ZCWPW2: variants seen among roughly 807,000 people sequenced by gnomAD.
ZCWPW2 encodes the protein zinc finger CW-type PWWP domain protein 2.
ZCWPW2 carries 45 observed loss-of-function variants against 46.6 expected under a neutral mutation model. That is an observed-to-expected ratio of 0.96 (90% CI 0.76 to 1.24). The LOEUF (loss-of-function observed/expected upper bound fraction) is 1.24. ZCWPW2 is among the 50% of genes most tolerant of loss of function. The pLI, the probability that ZCWPW2 is intolerant of heterozygous loss-of-function variation, is 0.00. For missense variants in ZCWPW2, 429 were observed against 403.9 expected, an observed-to-expected ratio of 1.06 and a Z score of -0.53; for synonymous variants, 152 against 137.1, an observed-to-expected ratio of 1.11 and a Z score of -0.76.
intron 4 of ZCWPW2, among the ~76,000 whole-genome samples, chr3:28,475,241 C>A (rs1222017090): frequency 6.6e-6 from 1 of 152,130 alleles, no homozygotes; most frequent in African/African-American, 2.4e-5. Flanking sequence ...TTTGAAAGTC[C>A]TAGAGTAATC....
At chr3:28,408,559 A>T (rs543601740) in intron 2 of ZCWPW2, among the ~76,000 whole-genome samples, 83 of 152,308 alleles carry the variant, frequency 5.4e-4, no homozygotes, top group Non-Finnish European at 1.1e-3. Flanking sequence ...ACATTGCATA[A>T]TAGTAATTGT....
At chr3:28,368,069 A>T (rs1413407061) in intron 1 of ZCWPW2, among the ~76,000 whole-genome samples, 1 of 152,120 alleles carries the variant, frequency 6.6e-6, no homozygotes, top group Admixed American at 6.5e-5. Context: ...TCCTGAATGC[A>T]GCATACTGAT....
intron 4 of ZCWPW2, among the ~76,000 whole-genome samples, chr3:28,473,675 A>C (rs1460210455): frequency 6.6e-6 from 1 of 152,238 alleles, no homozygotes; most frequent in Non-Finnish European, 1.5e-5. Flanking sequence ...TGTGGAACAC[A>C]CCGTGGAATA....
chr3:28,491,646 C>T (rs79691590), intron 5 of ZCWPW2, among the ~76,000 whole-genome samples: 2,045 of 152,020 alleles, frequency 0.013, 54 homozygotes, highest in African/African-American at 0.046. Context: ...AGGCAGGGTA[C>T]ATTATTTATC....
chr3:28,392,562 G>T (rs1695536228), intron 2 of ZCWPW2, among the ~76,000 whole-genome samples: 1 of 152,118 alleles, frequency 6.6e-6, no homozygotes, highest in African/African-American at 2.4e-5. Flanking sequence ...GAGATAATAT[G>T]TGAGGCCATA....
chr3:28,441,192 G>A (rs80092604), intron 4 of ZCWPW2, among the ~76,000 whole-genome samples: 4,018 of 152,222 alleles, frequency 0.026, 155 homozygotes, highest in African/African-American at 0.085. Context: ...CTTTTCTGGC[G>A]TCACCTATTG....
chr3:28,464,809 G>C (rs1698761590), intron 4 of ZCWPW2, among the ~76,000 whole-genome samples: 1 of 152,080 alleles, frequency 6.6e-6, no homozygotes, highest in Admixed American at 6.5e-5. Context: ...TAATATTGGG[G>C]GGAGTAAAAC....
chr3:28,517,064 T>C (rs1185792295), intron 8 of ZCWPW2, among the ~76,000 whole-genome samples: 3 of 152,148 alleles, frequency 2.0e-5, no homozygotes, highest in Admixed American at 1.3e-4. Flanking sequence ...GTAGGAAAAG[T>C]TTTAGACTCT....
intron 1 of ZCWPW2, among the ~76,000 whole-genome samples, chr3:28,381,299 C>T (rs939532635): frequency 6.6e-6 from 1 of 151,366 alleles, no homozygotes; most frequent in Admixed American, 6.6e-5. Flanking sequence ...TTAATTAACA[C>T]ATACTTTGTA....
chr3:28,468,903 T>A (rs531463133), intron 4 of ZCWPW2, among the ~76,000 whole-genome samples: 1 of 152,250 alleles, frequency 6.6e-6, no homozygotes, highest in South Asian at 2.1e-4. Flanking sequence ...CAATAGAAAG[T>A]ACACAGAAAA....
At chr3:28,426,021 A>G (rs925475699) in intron 3 of ZCWPW2, among the ~76,000 whole-genome samples, 1 of 152,104 alleles carries the variant, frequency 6.6e-6, no homozygotes, top group African/African-American at 2.4e-5. Flanking sequence ...AGGCAGGAGA[A>G]TTGCTTGAAC....
intron 6 of ZCWPW2, among the ~76,000 whole-genome samples, chr3:28,495,641 C>T (rs6803915): frequency 0.28 from 42,581 of 151,732 alleles, 6,248 homozygotes; most frequent in African/African-American, 0.32. Flanking sequence ...AATCTGATAG[C>T]ATAAAATGGA....
intron 1 of ZCWPW2, among the ~76,000 whole-genome samples, chr3:28,366,654 T>A (rs1705129283): frequency 6.6e-6 from 1 of 151,408 alleles, no homozygotes; most frequent in Non-Finnish European, 1.5e-5. Context: ...GATGCTGGCC[T>A]CATAAAATGA....
At chr3:28,355,665 G>C (rs540690811) in intron 1 of ZCWPW2, among the ~76,000 whole-genome samples, 1 of 152,310 alleles carries the variant, frequency 6.6e-6, no homozygotes, top group Non-Finnish European at 1.5e-5. Context: ...TAGACCAATG[G>C]AACAGAACAG....
rs867670870 is a variant in ZCWPW2 at position 28,484,172 on chromosome 3, T to G, written c.610+5241T>G. ...TCCCGTCCTCCTTGTTTCCTGAGGT[T>G]TTTTTTTTTCATACGCTTTTCTGTG... On this transcript the variant is annotated intron_variant, in intron 5 of 9. Coordinates refer to ENST00000383768, the MANE Select transcript of ZCWPW2 (RefSeq NM_001040432.4). Among the ~76,000 whole-genome samples the G allele has an allele frequency of 5.3e-5, 8 of 151,350 alleles. No homozygotes were observed. The South Asian group carries it at 1.3e-3, about 24-fold the overall frequency.
intron 1 of ZCWPW2, among the ~76,000 whole-genome samples, chr3:28,383,896 A>G (rs770814306): frequency 2.6e-5 from 4 of 152,300 alleles, no homozygotes; most frequent in Middle Eastern, 3.4e-3. Flanking sequence ...TTTTTAAAAA[A>G]TTGGATGGTA....
rs1559480561 is a variant in ZCWPW2, at chr3:28,380,948, A to ATATATATATATATTTGG, written c.-133-9537_-133-9536insTTGGTATATATATATAT. Among the ~76,000 whole-genome samples the ATATATATATATATTTGG allele has an allele frequency of 1.1e-3, 44 of 41,428 alleles. 7 individuals are homozygous for ATATATATATATATTTGG. Among genetic ancestry groups the ATATATATATATATTTGG allele is most frequent in the African/African-American group, 5.2e-3 (42 of 8,150 alleles). The allele number at this position is 41,428 out of a possible 152,430, so 27.2% of individuals were successfully genotyped here. A position where few individuals can be genotyped will look rare whatever the true frequency, so the allele number is the denominator to read the frequency against. ...ATATATATTTGGTATATATATATAT[A>ATATATATATATATTTGG]TATATATATATATATATATATATTT... On this transcript the variant is annotated intron_variant, in intron 1 of 9. Transcript: ENST00000383768.
rs144141676 is a variant in ZCWPW2 at position 28,441,098 on chromosome 3, G to A, written c.492+5829G>A. Among the ~76,000 whole-genome samples the A allele has an allele frequency of 2.5e-3, 386 of 152,308 alleles. 1 individual carries two copies. Among genetic ancestry groups the A allele is most frequent in the African/African-American group, 8.4e-3 (350 of 41,566 alleles). ...GCCACTTTGTTCATGGGTCTATTGGGTGATGACAAAGATGACTGGGGAAAG... is the reference window on the plus strand; with the variant it reads ...GCCACTTTGTTCATGGGTCTATTGGATGATGACAAAGATGACTGGGGAAAG... On this transcript the variant is annotated intron_variant, in intron 4 of 9. Coordinates refer to ENST00000383768, the MANE Select transcript of ZCWPW2 (RefSeq NM_001040432.4).
intron 3 of ZCWPW2, among the ~76,000 whole-genome samples, chr3:28,434,232 GT>G (rs1399792652): frequency 6.6e-6 from 1 of 151,952 alleles, no homozygotes; most frequent in Non-Finnish European, 1.5e-5. Flanking sequence ...CACTTCAGAG[GT>G]TTTTCAGGAC....
Sources: allele counts gnomAD v4.1 joint callset (sites outside exome capture counted in the v4.1 genomes callset), GRCh38; gene constraint gnomAD v4.1.1; transcripts MANE v1.5; gene names NCBI Gene and HGNC (gene_info 2026-07-23, HGNC 2026-07-21).